Variants in GLIS3 observed in about 807,000 individuals in gnomAD.
The protein encoded by GLIS3 is zinc finger protein GLIS3.
GLIS3 carries 53 observed loss-of-function variants against 78.6 expected under a neutral mutation model. The ratio of observed to expected loss-of-function variants is 0.67; its 90% CI spans 0.54 to 0.85. The LOEUF (loss-of-function observed/expected upper bound fraction) is 0.85, where lower values mean the gene tolerates loss of function less well. GLIS3 is among the 40% of genes least tolerant of loss of function. GLIS3 has a pLI of 0.00. For synonymous variants in GLIS3, 684 were observed against 509.9 expected, an observed-to-expected ratio of 1.34 and a Z score of -4.60; for missense variants, 1,703 against 1,231.1, an observed-to-expected ratio of 1.38 and a Z score of -5.74.
At chr9:4,416,812 GTTTTTTT>G in the GLIS3 span, among the ~76,000 whole-genome samples, 3 of 95,822 alleles carry the variant, frequency 3.1e-5, no homozygotes, top group Non-Finnish European at 5.9e-5. Flanking sequence ...CCCATAGTCA[GTTTTTTT>G]TTTTTTTTTT....
intron 4 of GLIS3, among the ~76,000 whole-genome samples, chr9:4,058,413 T>C (rs12350548): frequency 0.053 from 8,094 of 151,988 alleles, 559 homozygotes; most frequent in East Asian, 0.23. Context: ...CTCTTTGACT[T>C]TCCAGACTCC....
At position 3,828,027 on chromosome 9, in the gene GLIS3, C is replaced by G; in HGVS notation, c.*245G>C. On this transcript the variant is annotated 3_prime_UTR_variant, in exon 11 of 11. Transcript: ENST00000381971. ...TCCAGGAGAGTGAGGCTCTAAATTCCCTTTGAAAAGACAGTCCTCCTGGTC... is the reference window on the plus strand; with the variant it reads ...TCCAGGAGAGTGAGGCTCTAAATTCGCTTTGAAAAGACAGTCCTCCTGGTC... 1 of 544,360 alleles carries G rather than the reference C, an allele frequency of 1.8e-6. No individual in the cohort carries two copies. The highest frequency in any genetic ancestry group is 3.3e-6 in the Non-Finnish European group (1 of 303,524). The allele number at this position is 544,360 out of a possible 1,614,324, so 33.7% of individuals were successfully genotyped here. A position where few individuals can be genotyped will look rare whatever the true frequency, so the allele number is the denominator to read the frequency against.
intron 2 of GLIS3, among the ~76,000 whole-genome samples, chr9:4,167,248 G>A (rs750997780): frequency 2.6e-5 from 4 of 151,768 alleles, no homozygotes; most frequent in African/African-American, 4.8e-5. Flanking sequence ...TATGTATTTC[G>A]TTGGTCAAAT....
the GLIS3 span, among the ~76,000 whole-genome samples, chr9:4,377,864 AGTTTTTAAC>A: frequency 2.6e-5 from 4 of 152,170 alleles, no homozygotes; most frequent in African/African-American, 9.6e-5. Flanking sequence ...TAACCTAAGA[AGTTTTTAAC>A]GTAGTTGTAA....
rs182342477 is a variant in GLIS3, at chr9:3,940,134, C to T, written c.1711-2945G>A. On this transcript the variant is annotated intron_variant, in intron 4 of 10. Transcript: ENST00000381971. ...TTTCCCCTCCCTCAGGCAGTTTTAC[C>T]GCTAGATTTATAAGTTCAATTAAAT... is the stretch of plus-strand genomic sequence containing the variant. Among the ~76,000 whole-genome samples the T allele has an allele frequency of 3.3e-5, 5 of 152,180 alleles. No homozygotes were observed. The East Asian group carries it at 5.8e-4, about 18-fold the overall frequency.
At chr9:3,907,678 T>C (rs1163926060) in intron 6 of GLIS3, among the ~76,000 whole-genome samples, 2 of 148,544 alleles carry the variant, frequency 1.3e-5, no homozygotes, top group Admixed American at 1.3e-4. Context: ...CTCCTTTGCC[T>C]CAAAGTGAGA....
intron 4 of GLIS3, among the ~76,000 whole-genome samples, chr9:4,109,206 G>A (rs1008971292): frequency 6.6e-5 from 10 of 152,154 alleles, no homozygotes; most frequent in Admixed American, 5.9e-4. Flanking sequence ...GACAAGCTCA[G>A]CATAATGAGC....
intron 9 of GLIS3, among the ~76,000 whole-genome samples, chr9:3,840,539 C>G (rs566267829): frequency 4.9e-4 from 74 of 152,296 alleles, no homozygotes; most frequent in Middle Eastern, 6.8e-3. Context: ...TTGCAAAGCA[C>G]TCGAGCTATT....
At chr9:3,973,969 A>C (rs969002467) in intron 4 of GLIS3, among the ~76,000 whole-genome samples, 13 of 152,178 alleles carry the variant, frequency 8.5e-5, no homozygotes, top group South Asian at 2.1e-4. Context: ...CTTAAAAGAA[A>C]ATTCTTATAA....
At chr9:4,440,789 C>T in the GLIS3 span, among the ~76,000 whole-genome samples, 2 of 152,164 alleles carry the variant, frequency 1.3e-5, no homozygotes, top group African/African-American at 4.8e-5. Context: ...CTAATTCATG[C>T]ACACAGGATA....
At chr9:4,239,875 A>G (rs894845839) in intron 2 of GLIS3, among the ~76,000 whole-genome samples, 11 of 152,184 alleles carry the variant, frequency 7.2e-5, no homozygotes, top group African/African-American at 2.7e-4. Flanking sequence ...GGCACTTTGT[A>G]TTTCCTAACT....
At chr9:3,896,794 G>A (rs959929874) in intron 7 of GLIS3, among the ~76,000 whole-genome samples, 21 of 151,972 alleles carry the variant, frequency 1.4e-4, no homozygotes, top group African/African-American at 4.6e-4. Flanking sequence ...CAAGAGTTAC[G>A]GAAAATGTGG....
At chr9:4,261,449 G>A (rs1386000267) in intron 2 of GLIS3, among the ~76,000 whole-genome samples, 1 of 152,160 alleles carries the variant, frequency 6.6e-6, no homozygotes, top group African/African-American at 2.4e-5. Flanking sequence ...ATGGAAACAT[G>A]GAGATTAGGA....
At chr9:4,300,118 CGGAGGG>C (rs1278188080), upstream of GLIS3, among the ~76,000 whole-genome samples, 2 of 87,312 alleles carry the variant, frequency 2.3e-5, no homozygotes, top group Admixed American at 1.5e-4. Flanking sequence ...GTGTGAGCGC[CGGAGGG>C]GGAGGGGGAA....
rs1004608610 is a variant in GLIS3 at position 4,059,829 on chromosome 9, TGAGAGAGAGAGAGAGA to T, written c.1710+57923_1710+57938del. Among the ~76,000 whole-genome samples the T allele has an allele frequency of 8.9e-5, 9 of 100,710 alleles. No homozygotes were observed. In the South Asian group the frequency reaches 1.2e-3, roughly 13 times the overall value. 66.1% of individuals were successfully genotyped at this position (100,710 alleles called of 152,430 possible). A position where few individuals can be genotyped will look rare whatever the true frequency, so the allele number is the denominator to read the frequency against. ...TTGTGTGTGTGTGTGTGTGTGTGTG[TGAGAGAGAGAGAGAGA>T]GAGAGAGAGAGAGAGAGAGAGAAAG... On this transcript the variant is annotated intron_variant, in intron 4 of 10. Transcript: ENST00000381971.
intron 4 of GLIS3, among the ~76,000 whole-genome samples, chr9:4,018,173 G>A (rs1297232589): frequency 3.3e-5 from 5 of 152,230 alleles, no homozygotes; most frequent in African/African-American, 7.2e-5. Context: ...AAAGGAGGTA[G>A]GAAAACTGAA....
In GLIS3 at chr9:4,118,059, G is replaced by C; in HGVS notation, c.1419C>G (p.Leu473=). The part of the protein sequence containing the change: ...HAHAHLHHPE[L]GPHAQQLALP... ...AGGCCAGCTGCTGGGCGTGGGGCCC[G>C]AGCTCCGGGTGGTGAAGGTGCGCAT... Residue 473 remains leucine, a synonymous_variant, in exon 4 of 11, where the codon CTC becomes CTG. Coordinates refer to ENST00000381971, the MANE Select transcript of GLIS3 (RefSeq NM_001042413.2). The surrounding 1 kb of genome is among the most constrained non-coding windows in gnomAD (Gnocchi z 4.7). The C allele has an allele frequency of 1.9e-6, 3 of 1,583,698 alleles. No individual in the cohort carries two copies. The highest frequency in any genetic ancestry group is 4.5e-5 in the East Asian group (2 of 44,524).
At chr9:4,358,462 T>C in the GLIS3 span, among the ~76,000 whole-genome samples, 5 of 152,226 alleles carry the variant, frequency 3.3e-5, no homozygotes, top group African/African-American at 1.2e-4. Flanking sequence ...TAGTTTTTGC[T>C]GGTAGTATAA....
At chr9:4,421,553 A>T in the GLIS3 span, among the ~76,000 whole-genome samples, 1 of 152,198 alleles carries the variant, frequency 6.6e-6, no homozygotes, top group Non-Finnish European at 1.5e-5. Flanking sequence ...GTTGTGGGTG[A>T]GGCACTCAAT....
Sources: allele counts gnomAD v4.1 joint callset (sites outside exome capture counted in the v4.1 genomes callset), GRCh38; gene constraint gnomAD v4.1.1; non-coding constraint Gnocchi (gnomAD v3.1); transcripts MANE v1.5; gene names NCBI Gene and HGNC (gene_info 2026-07-23, HGNC 2026-07-21).